The following BRIP1 variants were observed in gnomAD, a reference collection of about 807,000 sequenced individuals.
BRIP1 encodes the protein BRCA1 interacting DNA helicase 1, also known as Fanconi anemia group J protein.
A neutral mutation model predicts 119.7 loss-of-function variants in BRIP1; 88 were observed. That is an observed-to-expected ratio of 0.74 (90% confidence interval 0.62 to 0.88). The LOEUF is 0.88. Among genes scored for constraint, BRIP1 ranks in the 40% least tolerant of loss-of-function variants. BRIP1 has a pLI of 0.00. For missense variants in BRIP1, 1,259 were observed against 1,455.4 expected (o/e 0.87, Z 2.20); for synonymous variants, 443 against 496.5 (o/e 0.89, Z 1.43).
rs1336063388 is a variant in BRIP1, at chr17:61,802,183, G to C, written c.919-709C>G. On this transcript the variant is annotated intron_variant, in intron 7 of 19. Coordinates refer to ENST00000259008, the MANE Select transcript of BRIP1 (RefSeq NM_032043.3). This position sits in a 1 kb window ranked among gnomAD's most constrained non-coding sequence, Gnocchi z 6.0. The stretch of plus-strand genomic sequence containing the variant: ...ATGTGACCCAATATTAAAATAACAA[G>C]AACAAGCAAGGCACGATGACAGGTG... Among the ~76,000 whole-genome samples, 4 of 152,080 alleles carry C rather than the reference G, an allele frequency of 2.6e-5. No homozygotes were observed. Among genetic ancestry groups the C allele is most frequent in the Non-Finnish European group, 4.4e-5 (3 of 68,024 alleles).
rs2061253284 is a variant in BRIP1 at position 61,680,114 on chromosome 17, G to A, written c.*3182C>T. On this transcript the variant is annotated 3_prime_UTR_variant, in exon 20 of 20. Transcript: ENST00000259008. ...TCCCAACACTTTGGGAGGCCGAGGT[G>A]GGCAGATCACTTGAGGTCAGGAGTT... Among the ~76,000 whole-genome samples the A allele has an allele frequency of 6.6e-6, 1 of 151,434 alleles. No homozygotes were observed. Among genetic ancestry groups the A allele is most frequent in the Non-Finnish European group, 1.5e-5 (1 of 67,882 alleles).
At chr17:61,777,367 A>G (rs906312615) in intron 13 of BRIP1, among the ~76,000 whole-genome samples, 19 of 152,186 alleles carry the variant, frequency 1.2e-4, no homozygotes, top group African/African-American at 3.9e-4. Context: ...CAAGCAATCA[A>G]TTCTGCAACA....
Position 61,794,732 on chromosome 17 carries a change from T to C in BRIP1, c.1341-1003A>G, listed in dbSNP as rs1465449489. On this transcript the variant is annotated intron_variant, in intron 9 of 19. Transcript: ENST00000259008. This position sits in a 1 kb window ranked among gnomAD's most constrained non-coding sequence, Gnocchi z 4.3. ...AAATGAAAAAAAAATCAGGTAATTA[T>C]ATACAAATAAATTATGAAAATAAAT... Among the ~76,000 whole-genome samples the C allele has an allele frequency of 1.3e-5, 2 of 151,962 alleles. No individual in the cohort carries two copies. Among genetic ancestry groups the C allele is most frequent in the Middle Eastern group, 3.4e-3 (1 of 294 alleles).
At chr17:61,830,848 G>C (rs893117174) in intron 6 of BRIP1, among the ~76,000 whole-genome samples, 8 of 152,038 alleles carry the variant, frequency 5.3e-5, no homozygotes, top group African/African-American at 1.9e-4. Flanking sequence ...ATATTCTTAT[G>C]AACATAGATG....
intron 10 of BRIP1, among the ~76,000 whole-genome samples, chr17:61,785,986 T>C (rs1174397954): frequency 2.0e-5 from 3 of 152,122 alleles, no homozygotes; most frequent in African/African-American, 7.2e-5. Context: ...AAGTTAATTA[T>C]GGTTCCTTAG....
chr17:61,861,573 C>A lies in BRIP1; in HGVS notation c.-30-4G>T, dbSNP rs745931227. ...CCTGTTTATTTCAGATTCCTAACTA[C>A]AACAGAAATGAAAATGTCAAATATT... On this transcript the variant is annotated splice_region_variant and splice_polypyrimidine_tract_variant and intron_variant, in intron 1 of 19. Coordinates refer to ENST00000259008, the MANE Select transcript of BRIP1 (RefSeq NM_032043.3). The surrounding 1 kb of genome is among the most constrained non-coding windows in gnomAD (Gnocchi z 4.5). 1.3e-6 allele frequency: 2 copies of A among 1,481,992 alleles called. No individual in the cohort carries two copies. The highest frequency in any genetic ancestry group is 2.3e-5 in the South Asian group (2 of 88,346). 91.8% of individuals were successfully genotyped at this position (1,481,992 alleles called of 1,614,324 possible).
intron 16 of BRIP1, among the ~76,000 whole-genome samples, chr17:61,732,534 T>A (rs182073315): frequency 3.7e-4 from 56 of 152,284 alleles, no homozygotes; most frequent in African/African-American, 1.3e-3. Flanking sequence ...CCAAAGCATC[T>A]TGTTATATGT....
rs1347519132 is a variant in BRIP1 at position 61,789,746 on chromosome 17, T to C, written c.1473+3851A>G. On this transcript the variant is annotated intron_variant, in intron 10 of 19. Coordinates refer to ENST00000259008, the MANE Select transcript of BRIP1 (RefSeq NM_032043.3). This position sits in a 1 kb window ranked among gnomAD's most constrained non-coding sequence, Gnocchi z 4.8. ...TACTTAAATAGGAAAGTATACACAA[T>C]ATATTGTTAAATTAAAAGAGGGTAA... Among the ~76,000 whole-genome samples the C allele has an allele frequency of 2.0e-5, 3 of 152,150 alleles. No homozygotes were observed. The highest frequency in any genetic ancestry group is 4.4e-5 in the Non-Finnish European group (3 of 68,012).
intron 14 of BRIP1, among the ~76,000 whole-genome samples, chr17:61,772,157 TTATATATATATATA>T (rs71150699): frequency 0.11 from 8,087 of 76,326 alleles, 590 homozygotes; most frequent in Non-Finnish European, 0.14. Context: ...AAATGTGAGA[TTATATATATATATA>T]TATATATATA....
intron 16 of BRIP1, among the ~76,000 whole-genome samples, chr17:61,719,200 C>A: frequency 7.1e-6 from 1 of 141,526 alleles, no homozygotes; most frequent in African/African-American, 2.5e-5. Flanking sequence ...TTTATTGCAG[C>A]ACTATTCTCA....
At position 61,808,417 on chromosome 17, in the gene BRIP1, T is replaced by C. The variant is rs2078105270; in HGVS notation, c.918+50A>G. On this transcript the variant is annotated intron_variant, in intron 7 of 19. Transcript: ENST00000259008. The surrounding 1 kb of genome is among the most constrained non-coding windows in gnomAD (Gnocchi z 4.1). ...CATATAAAACACATACTGAGTAATT[T>C]AAATATTTTCAGCCTTATTTTTTCT... The C allele has an allele frequency of 6.5e-7, 1 of 1,538,426 alleles. No homozygotes were observed. Among genetic ancestry groups the C allele is most frequent in the Non-Finnish European group, 9.0e-7 (1 of 1,113,078 alleles).
Position 61,789,691 on chromosome 17 carries a change from C to A in BRIP1, c.1473+3906G>T, listed in dbSNP as rs1030579852. Among the ~76,000 whole-genome samples the A allele has an allele frequency of 1.3e-5, 2 of 151,974 alleles. No homozygotes were observed. Among genetic ancestry groups the A allele is most frequent in the African/African-American group, 4.8e-5 (2 of 41,340 alleles). ...TAAGTACACTCATAAAAATGCTACA[C>A]CGCAATTAAAAATTATGTGAAGGAA... On this transcript the variant is annotated intron_variant, in intron 10 of 19. Coordinates refer to ENST00000259008, the MANE Select transcript of BRIP1 (RefSeq NM_032043.3). This position sits in a 1 kb window ranked among gnomAD's most constrained non-coding sequence, Gnocchi z 4.8.
rs1031025835 is a variant in BRIP1 at position 61,844,001 on chromosome 17, T to A, written c.627+3100A>T. 6.6e-6 allele frequency among the ~76,000 whole-genome samples: 1 copy of A among 152,072 alleles called. No homozygotes were observed. ...GTACAGTGGTTCAATCATAGTTCAA[T>A]ACAGCCTCAATCTTCTGGCTCAAGG... On this transcript the variant is annotated intron_variant, in intron 6 of 19. Coordinates refer to ENST00000259008, the MANE Select transcript of BRIP1 (RefSeq NM_032043.3). The surrounding 1 kb of genome is among the most constrained non-coding windows in gnomAD (Gnocchi z 4.7).
chr17:61,702,985 T>C (rs1183799223), intron 17 of BRIP1, among the ~76,000 whole-genome samples: 1 of 151,778 alleles, frequency 6.6e-6, no homozygotes, highest in East Asian at 1.9e-4. Context: ...TTTTTTTTTT[T>C]TTTTTTGACT....
In BRIP1 at chr17:61,748,469, TACAAAAATTAATATGCAAC is replaced by T; in HGVS notation, c.2098-3897_2098-3879del. 6.6e-6 allele frequency among the ~76,000 whole-genome samples: 1 copy of T among 151,986 alleles called. No homozygotes were observed. The highest frequency in any genetic ancestry group is 1.5e-5 in the Non-Finnish European group (1 of 67,956). On this transcript the variant is annotated intron_variant, in intron 14 of 19. Coordinates refer to ENST00000259008, the MANE Select transcript of BRIP1 (RefSeq NM_032043.3). The surrounding 1 kb of genome is among the most constrained non-coding windows in gnomAD (Gnocchi z 4.7). The stretch of plus-strand genomic sequence containing the variant: ...CATTTTTTACAGAAACAGAAAAAAA[TACAAAAATTAATATGCAAC>T]CACAAAGGACTTGGAATAATCAAAA...
chr17:61,857,125 A>C lies in BRIP1; in HGVS notation c.312T>G (p.Thr104=), dbSNP rs769190318. Residue 104 remains threonine (T), a synonymous_variant, in exon 4 of 20, where the codon ACT becomes ACG. Coordinates refer to ENST00000259008, the MANE Select transcript of BRIP1 (RefSeq NM_032043.3). This position sits in a 1 kb window ranked among gnomAD's most constrained non-coding sequence, Gnocchi z 5.1. ...DFTNNDMNQG[T]SRHFNYPSTP... is the part of the protein sequence containing the mutation. ...TGCTTGGATAGTTGAAATGACGTGA[A>C]GTTCCTTGGTTCATGTCATTGTTTG... 56 of 1,614,042 alleles carry C rather than the reference A, an allele frequency of 3.5e-5. No homozygotes were observed. Among genetic ancestry groups the C allele is most frequent in the Non-Finnish European group, 4.7e-5 (55 of 1,180,002 alleles).
At chr17:61,765,288 T>C (rs1300523853) in intron 14 of BRIP1, among the ~76,000 whole-genome samples, 1 of 146,482 alleles carries the variant, frequency 6.8e-6, no homozygotes, top group African/African-American at 2.5e-5. Flanking sequence ...CCTAGATTTT[T>C]CACTTAAAAA....
Position 61,831,984 on chromosome 17 carries a change from A to G in BRIP1, c.627+15117T>C, listed in dbSNP as rs2078499965. Among the ~76,000 whole-genome samples the G allele has an allele frequency of 6.6e-6, 1 of 152,228 alleles. No homozygotes were observed. Among genetic ancestry groups the G allele is most frequent in the South Asian group, 2.1e-4 (1 of 4,832 alleles). The stretch of plus-strand genomic sequence containing the variant: ...TCTATGAGTCTGGGTTTGTGTACAC[A>G]ATACATTGTGTATATTCTCTAGCTG... On this transcript the variant is annotated intron_variant, in intron 6 of 19. Coordinates refer to ENST00000259008, the MANE Select transcript of BRIP1 (RefSeq NM_032043.3). This position sits in a 1 kb window ranked among gnomAD's most constrained non-coding sequence, Gnocchi z 4.1.
At chr17:61,697,179 T>C (rs1329940111) in intron 17 of BRIP1, among the ~76,000 whole-genome samples, 1 of 149,610 alleles carries the variant, frequency 6.7e-6, no homozygotes, top group African/African-American at 2.5e-5. Flanking sequence ...CCCCGTCTCT[T>C]CTAAAAATGC....
Sources: gnomAD v4.1 joint callset for allele counts (sites outside exome capture counted in the v4.1 genomes callset) on GRCh38, gnomAD v4.1.1 for gene constraint, Gnocchi (gnomAD v3.1) non-coding constraint, MANE v1.5 for transcripts, NCBI Gene and HGNC (gene_info 2026-07-23, HGNC 2026-07-21) for gene names.